COL9A1: variants seen among roughly 807,000 people sequenced by gnomAD.
The protein encoded by COL9A1 is collagen alpha-1(IX) chain.
Under a neutral mutation model 142.6 loss-of-function variants are expected in COL9A1, and 104 were observed. The observed-to-expected ratio is 0.73, with a 90% CI of 0.62 to 0.86. The LOEUF (loss-of-function observed/expected upper bound fraction) is 0.86. Ranked by LOEUF, COL9A1 falls within the 40% of genes least tolerant of loss-of-function variation. The probability of loss-of-function intolerance (pLI) is 0.00; values close to 1 mark genes in which losing one functional copy is unlikely to be tolerated. For missense variants in COL9A1, 1,210 were observed against 1,176.6 expected (o/e 1.03, Z -0.42); for synonymous variants, 466 against 396.0 (o/e 1.18, Z -2.10).
chr6:70,302,709 CTGTCTGTCTTCGGTTTTTTG>C (rs914484509), intron 1 of COL9A1, among the ~76,000 whole-genome samples, 182 bp downstream of exon 1: 2 of 152,080 alleles, frequency 1.3e-5, no homozygotes, highest in African/African-American at 4.8e-5. Flanking sequence ...CTCCCTTCCT[CTGTCTGTCTTCGGTTTTTTG>C]TGTCTGTCTT....
At chr6:70,275,608 A>G (rs781323961) in intron 10 of COL9A1, among the ~76,000 whole-genome samples, 12 of 152,134 alleles carry the variant, frequency 7.9e-5, no homozygotes, top group Non-Finnish European at 1.8e-4. Context: ...TTAAAGAATG[A>G]TAATATCACA....
chr6:70,301,889 T>C, intron 2 of COL9A1, 112 bp downstream of exon 2: 1 of 844,222 alleles, frequency 1.2e-6, no homozygotes, highest in Non-Finnish European at 2.0e-6. Context: ...GATTGAAGAG[T>C]GAGGGTGTGA....
chr6:70,248,930 G>T (rs1222781113), intron 28 of COL9A1, among the ~76,000 whole-genome samples: 1 of 152,114 alleles, frequency 6.6e-6, no homozygotes, highest in Non-Finnish European at 1.5e-5. Flanking sequence ...TTTTCATGAT[G>T]CAATTAACAT....
At chr6:70,284,675 C>T (rs1459629432) in intron 5 of COL9A1, among the ~76,000 whole-genome samples, 3 of 152,124 alleles carry the variant, frequency 2.0e-5, no homozygotes, top group Non-Finnish European at 4.4e-5. Flanking sequence ...ATGTCATATC[C>T]CATAGGAAGC....
chr6:70,242,419 C>G (rs1361127678), intron 29 of COL9A1, among the ~76,000 whole-genome samples: 1 of 152,190 alleles, frequency 6.6e-6, no homozygotes. Flanking sequence ...AACCAGAGGC[C>G]AAATGCAGCA....
At chr6:70,243,023 T>C (rs1269011251) in intron 28 of COL9A1, among the ~76,000 whole-genome samples, 1 of 152,250 alleles carries the variant, frequency 6.6e-6, no homozygotes, top group Non-Finnish European at 1.5e-5. Context: ...AAGCCCTCAC[T>C]TAGATTATGT....
Position 70,300,401 on chromosome 6 carries a change from G to A in COL9A1, c.89-15C>T, listed in dbSNP as rs1415979197. The A allele has an allele frequency of 2.6e-6, 4 of 1,520,906 alleles. No homozygotes were observed. The highest frequency in any genetic ancestry group is 3.7e-6 in the Non-Finnish European group (4 of 1,095,748). The allele number at this position is 1,520,906 out of a possible 1,614,324, so 94.2% of individuals were successfully genotyped here. A position where few individuals can be genotyped will look rare whatever the true frequency, so the allele number is the denominator to read the frequency against. Reference sequence around the variant, plus strand: ...GACAGGGAATCCTGCAAAAGAGATAGCATGTCATTCTACTTCATCCACTCT... The same window carrying A: ...GACAGGGAATCCTGCAAAAGAGATAACATGTCATTCTACTTCATCCACTCT... On this transcript the variant is annotated splice_polypyrimidine_tract_variant and intron_variant, in intron 2 of 37. Transcript: ENST00000357250.
Position 70,242,647 on chromosome 6 carries a change from A to G in COL9A1, c.1926+15T>C. 5 of 1,613,096 alleles carry G rather than the reference A, an allele frequency of 3.1e-6. No individual in the cohort carries two copies. Among genetic ancestry groups the G allele is most frequent in the Non-Finnish European group, 4.2e-6 (5 of 1,179,058 alleles). ...TGTTTCGTAGAAGGCAAATAAACGA[A>G]ACTTTTCTACTTACCAGTTTACCTG... On this transcript the variant is annotated intron_variant, in intron 29 of 37. Transcript: ENST00000357250.
In COL9A1 at chr6:70,281,433, C is replaced by A. The variant is rs1266257205; in HGVS notation, c.833G>T (p.Gly278Val). The A allele has an allele frequency of 6.2e-7, 1 of 1,613,038 alleles. No individual in the cohort carries two copies. The highest frequency in any genetic ancestry group is 1.3e-5 in the African/African-American group (1 of 74,800). Reference protein sequence around the residue: ...RGPPGEQGPPGPPGPPGVPGI... With the variant: ...RGPPGEQGPPVPPGPPGVPGI... Reference sequence around the variant, plus strand: ...TGGAACTCCAGGGGGGCCCGGAGGCCCGGGAGGACCCTGCTCACCCGGGGG... The same window carrying A: ...TGGAACTCCAGGGGGGCCCGGAGGCACGGGAGGACCCTGCTCACCCGGGGG... The change falls in exon 8 of 38, where the codon GGG becomes GTG. Residue 278 changes from glycine to valine, a missense_variant. By Grantham distance (109) the Gly-to-Val change is moderately radical (BLOSUM62 -3). Transcript: ENST00000357250.
chr6:70,252,149 C>T lies in COL9A1; in HGVS notation c.1843G>A (p.Val615Met), dbSNP rs766178401. Residue 615 changes from valine (V) to methionine (M), a missense_variant, in exon 28 of 38, where the codon GTG (valine) becomes ATG (methionine). By Grantham distance (21) the Val-to-Met change is conservative (BLOSUM62 1). Coordinates refer to ENST00000357250, the MANE Select transcript of COL9A1 (RefSeq NM_001851.6). Reference sequence around the variant, plus strand: ...AGCCCCTGGGGTCCTCGGGGTCCCACCTCTCCTGGAGGCCCCTGTTGGCCC... The same window carrying T: ...AGCCCCTGGGGTCCTCGGGGTCCCATCTCTCCTGGAGGCCCCTGTTGGCCC... ...KPGQQGPPGE[V>M]GPRGPQGLPG... 6.2e-7 allele frequency: 1 copy of T among 1,614,144 alleles called. No homozygotes were observed.
intron 2 of COL9A1, 77 bp from the exon 3 acceptor site, chr6:70,300,463 A>T: frequency 1.8e-6 from 1 of 558,654 alleles, no homozygotes. Context: ...AAAATAAAAT[A>T]ATAATAATAA....
chr6:70,299,020 A>T (rs1050753383), intron 4 of COL9A1, among the ~76,000 whole-genome samples: 1 of 152,280 alleles, frequency 6.6e-6, no homozygotes, highest in East Asian at 1.9e-4. Flanking sequence ...TTTAAGAAAA[A>T]AAAGGTTAAT....
chr6:70,302,224 T>C (rs558813616), intron 1 of COL9A1, 150 bp from the exon 2 acceptor site: 1 of 614,442 alleles, frequency 1.6e-6, no homozygotes, highest in Non-Finnish European at 2.8e-6. Flanking sequence ...TTTTTTTTTT[T>C]TTTGAGACGG....
intron 10 of COL9A1, chr6:70,280,563 C>T (rs1381168420): frequency 2.9e-6 from 4 of 1,392,720 alleles, no homozygotes; most frequent in Non-Finnish European, 3.7e-6. Context: ...GAAGCCAGTA[C>T]CCGCTGCTGT....
chr6:70,236,832 T>C (rs7759110), intron 33 of COL9A1, among the ~76,000 whole-genome samples: 54,560 of 151,732 alleles, frequency 0.36, 11,861 homozygotes, highest in Non-Finnish European at 0.5. Flanking sequence ...TCTTTTTTTT[T>C]TTTTTTGAGA....
intron 18 of COL9A1, among the ~76,000 whole-genome samples, chr6:70,264,773 A>G (rs1246736119): frequency 1.9e-4 from 29 of 152,110 alleles, no homozygotes; most frequent in Non-Finnish European, 1.2e-4. Flanking sequence ...TTGCATAAGT[A>G]TTGACCTGCT....
At chr6:70,232,379 G>C (rs1424154922) in intron 36 of COL9A1, among the ~76,000 whole-genome samples, 1 of 152,134 alleles carries the variant, frequency 6.6e-6, no homozygotes, top group African/African-American at 2.4e-5. Context: ...TCTAGTATTT[G>C]GTCTACTGTT....
intron 10 of COL9A1, among the ~76,000 whole-genome samples, chr6:70,275,957 A>G (rs1158015015): frequency 3.3e-5 from 5 of 152,190 alleles, no homozygotes; most frequent in Non-Finnish European, 7.4e-5. Context: ...CACATAATTC[A>G]TATAGAAAAC....
At chr6:70,232,952 G>A (rs1001232069) in intron 35 of COL9A1, among the ~76,000 whole-genome samples, 181 bp from the exon 36 acceptor site, 2 of 152,136 alleles carry the variant, frequency 1.3e-5, no homozygotes, top group South Asian at 2.1e-4. Context: ...AAGCTTCGCT[G>A]GTGCTGTTTG....
Sources: gnomAD v4.1 joint callset for allele counts (sites outside exome capture counted in the v4.1 genomes callset) on GRCh38, gnomAD v4.1.1 for gene constraint, MANE v1.5 for transcripts, NCBI Gene and HGNC (gene_info 2026-07-23, HGNC 2026-07-21) for gene names.